ITPR2: variants seen among roughly 807,000 people sequenced by gnomAD.
The protein encoded by ITPR2 is inositol 1,4,5-trisphosphate receptor type 2, also known as inositol 1,4,5-trisphosphate-gated calcium channel ITPR2.
ITPR2 carries 207 observed loss-of-function variants against 317.1 expected under a neutral mutation model. That is an observed-to-expected ratio of 0.65 (90% CI 0.58 to 0.73). The LOEUF (loss-of-function observed/expected upper bound fraction) is 0.73. Ranked by LOEUF, ITPR2 falls within the 30% of genes least tolerant of loss-of-function variation. The probability of loss-of-function intolerance (pLI) is 0.00; values close to 1 mark genes in which losing one functional copy is unlikely to be tolerated. For missense variants in ITPR2, 2,613 were observed against 3,284.0 expected (o/e 0.80, Z 4.99); for synonymous variants, 1,156 against 1,149.1 (o/e 1.01, Z -0.12).
At chr12:26,798,272 A>G (rs1950489787) in intron 1 of ITPR2, among the ~76,000 whole-genome samples, 1 of 152,044 alleles carries the variant, frequency 6.6e-6, no homozygotes, top group Non-Finnish European at 1.5e-5. Context: ...TAGTTACTGA[A>G]CTTCACTGTG....
chr12:26,550,376 C>A, intron 36 of ITPR2, 21 bp from the exon 37 acceptor site: 1 of 980,046 alleles, frequency 1.0e-6, no homozygotes, highest in South Asian at 1.4e-5. Context: ...AACATGAGAC[C>A]TTTAGAAAGA....
At chr12:26,700,446 T>C (rs1459433497) in intron 9 of ITPR2, among the ~76,000 whole-genome samples, 1 of 152,230 alleles carries the variant, frequency 6.6e-6, no homozygotes, top group South Asian at 2.1e-4. Flanking sequence ...AATTATACTA[T>C]AAGACAAGAT....
chr12:26,784,321 C>CT, intron 2 of ITPR2, among the ~76,000 whole-genome samples: 1 of 21,432 alleles, frequency 4.7e-5, no homozygotes, highest in South Asian at 1.8e-3. Flanking sequence ...CTCCCTCTGC[C>CT]TCTCCCTCTC....
At chr12:26,602,564 C>T in intron 27 of ITPR2, 53 bp downstream of exon 27, 3 of 1,567,630 alleles carry the variant, frequency 1.9e-6, no homozygotes, top group Admixed American at 1.7e-5. Context: ...ATAAGCAAAA[C>T]TTATTTGGCA....
At chr12:26,386,989 T>A (rs1029484688) in intron 55 of ITPR2, among the ~76,000 whole-genome samples, 2 of 152,196 alleles carry the variant, frequency 1.3e-5, no homozygotes, top group Non-Finnish European at 2.9e-5. Context: ...CCATTAGGAC[T>A]GAACATCATA....
At chr12:26,592,013 G>A (rs1386610104) in intron 32 of ITPR2, among the ~76,000 whole-genome samples, 1 of 152,148 alleles carries the variant, frequency 6.6e-6, no homozygotes, top group African/African-American at 2.4e-5. Context: ...CCCATCAACA[G>A]ATGAATGGAT....
chr12:26,480,226 A>ATTTGGGCT, intron 43 of ITPR2, among the ~76,000 whole-genome samples: 1 of 152,296 alleles, frequency 6.6e-6, no homozygotes, highest in South Asian at 2.1e-4. Context: ...ATGCCTTAGT[A>ATTTGGGCT]TTTGGGCTTT....
chr12:26,643,966 T>C (rs1256253247), intron 21 of ITPR2, among the ~76,000 whole-genome samples: 3 of 151,914 alleles, frequency 2.0e-5, no homozygotes, highest in Admixed American at 2.0e-4. Flanking sequence ...TCGTAAAGAG[T>C]TTACTAGGGA....
intron 2 of ITPR2, among the ~76,000 whole-genome samples, chr12:26,768,994 A>AACACACAC (rs143843238): frequency 0.024 from 2,311 of 96,822 alleles, 31 homozygotes; most frequent in Admixed American, 0.052. Flanking sequence ...CATCCAGTAG[A>AACACACAC]ACACACACAC....
chr12:26,438,497 G>A (rs1941412471), intron 47 of ITPR2, among the ~76,000 whole-genome samples: 1 of 152,160 alleles, frequency 6.6e-6, no homozygotes, highest in African/African-American at 2.4e-5. Context: ...GGAAAATAAA[G>A]TTTATTTAAA....
chr12:26,457,831 A>C (rs1022834100), intron 45 of ITPR2, among the ~76,000 whole-genome samples: 5 of 152,240 alleles, frequency 3.3e-5, no homozygotes, highest in African/African-American at 1.2e-4. Context: ...CTCCTTCTGC[A>C]AGTGAGGCTC....
Position 26,777,598 on chromosome 12 carries a change from C to T in ITPR2, c.163+12559G>A, listed in dbSNP as rs186878106. On this transcript the variant is annotated intron_variant, in intron 2 of 56. Coordinates refer to ENST00000381340, the MANE Select transcript of ITPR2 (RefSeq NM_002223.4). ...AGCTCTGACATTGGCTAATTAATCA[C>T]GGTATTCCCAGAAGTAAAATTGATA... 1.8e-4 allele frequency among the ~76,000 whole-genome samples: 27 copies of T among 148,066 alleles called. No homozygotes were observed. The East Asian group carries it at 4.9e-3, about 27-fold the overall frequency.
intron 37 of ITPR2, among the ~76,000 whole-genome samples, chr12:26,534,601 A>G (rs1944034502): frequency 6.6e-6 from 1 of 152,144 alleles, no homozygotes; most frequent in Admixed American, 6.5e-5. Flanking sequence ...GCAAAAGAAA[A>G]CCCAAAGCTT....
intron 1 of ITPR2, among the ~76,000 whole-genome samples, chr12:26,798,319 G>A (rs1446230104): frequency 1.3e-5 from 2 of 152,166 alleles, no homozygotes; most frequent in African/African-American, 4.8e-5. Flanking sequence ...GTTCCCACAC[G>A]TTCCTCGTAT....
At chr12:26,696,271 C>T (rs1043687148) in intron 9 of ITPR2, among the ~76,000 whole-genome samples, 1 of 152,140 alleles carries the variant, frequency 6.6e-6, no homozygotes, top group African/African-American at 2.4e-5. Context: ...TCCTCACTCC[C>T]ACTTGTCCTT....
At chr12:26,768,571 T>TAAAAAAAAAAAAA (rs879291062) in intron 2 of ITPR2, among the ~76,000 whole-genome samples, 2 of 96,188 alleles carry the variant, frequency 2.1e-5, no homozygotes, top group East Asian at 4.3e-4. Context: ...CAAATATATA[T>TAAAAAAAAAAAAA]AAAAAAAAAA....
At chr12:26,679,141 G>A (rs1261552266) in intron 13 of ITPR2, among the ~76,000 whole-genome samples, 1 of 152,168 alleles carries the variant, frequency 6.6e-6, no homozygotes, top group Non-Finnish European at 1.5e-5. Flanking sequence ...CCATAAAAGT[G>A]GGCCAGTTGT....
At chr12:26,427,760 A>G (rs11048513) in intron 49 of ITPR2, among the ~76,000 whole-genome samples, 153 bp downstream of exon 49, 35 of 152,300 alleles carry the variant, frequency 2.3e-4, no homozygotes, top group South Asian at 1.9e-3. Context: ...AAATTAAATT[A>G]AAAAAGTACA....
intron 55 of ITPR2, among the ~76,000 whole-genome samples, chr12:26,363,589 C>G (rs540702037): frequency 1.1e-3 from 166 of 152,264 alleles, no homozygotes; most frequent in Non-Finnish European, 1.7e-3. Flanking sequence ...TTTCCAGACT[C>G]TAAGACTTTC....
Sources: allele counts gnomAD v4.1 joint callset (sites outside exome capture counted in the v4.1 genomes callset), GRCh38; gene constraint gnomAD v4.1.1; transcripts MANE v1.5; gene names NCBI Gene and HGNC (gene_info 2026-07-23, HGNC 2026-07-21).